The following LINGO1 variants were observed in gnomAD, a reference collection of about 807,000 sequenced individuals.
LINGO1 encodes leucine rich repeat and Ig domain containing 1.
A neutral mutation model predicts 37.3 loss-of-function variants in LINGO1; 11 were observed. The ratio of observed to expected loss-of-function variants is 0.29; its 90% CI spans 0.19 to 0.49. LINGO1 has a LOEUF of 0.49. Among genes scored for constraint, LINGO1 ranks in the 20% least tolerant of loss-of-function variants. The pLI is 0.99. For missense variants in LINGO1, 585 were observed against 878.2 expected (o/e 0.67, Z 4.22); for synonymous variants, 387 against 403.0 (o/e 0.96, Z 0.48).
intron 1 of LINGO1, among the ~76,000 whole-genome samples, chr15:77,617,187 G>A (rs2073756447): frequency 6.6e-6 from 1 of 152,132 alleles, no homozygotes; most frequent in African/African-American, 2.4e-5. Flanking sequence ...GGGGTATGCG[G>A]GAGCCTCCGT....
chr15:77,807,767 TAG>T (rs975569857), intron 1 of LINGO1, among the ~76,000 whole-genome samples: 2 of 152,084 alleles, frequency 1.3e-5, no homozygotes, highest in South Asian at 2.1e-4. Flanking sequence ...TAAAAGCAAT[TAG>T]AGTTTTTGGA....
At chr15:77,737,896 C>T (rs1052227369) in intron 1 of LINGO1, among the ~76,000 whole-genome samples, 4 of 152,160 alleles carry the variant, frequency 2.6e-5, no homozygotes, top group African/African-American at 7.2e-5. Context: ...TCTGCACACT[C>T]CTCAGCTTAA....
intron 1 of LINGO1, among the ~76,000 whole-genome samples, chr15:77,800,149 A>C (rs1343448463): frequency 2.0e-5 from 3 of 152,186 alleles, no homozygotes; most frequent in African/African-American, 7.2e-5. Context: ...TGGCAGGAAA[A>C]GAGTCTCTTC....
At chr15:77,792,002 C>T (rs77158390), upstream of LINGO1, among the ~76,000 whole-genome samples, 3,257 of 152,210 alleles carry the variant, frequency 0.021, 115 homozygotes, top group African/African-American at 0.073. Flanking sequence ...CTTGTCCAGG[C>T]TCAGAGGCTT....
chr15:77,802,121 G>T (rs1277536975), intron 1 of LINGO1, among the ~76,000 whole-genome samples: 1 of 152,164 alleles, frequency 6.6e-6, no homozygotes, highest in South Asian at 2.1e-4. Flanking sequence ...TACAGAGAGT[G>T]GGGGGATGAG....
At chr15:77,770,861 C>T (rs1343436216) in intron 1 of LINGO1, among the ~76,000 whole-genome samples, 4 of 152,200 alleles carry the variant, frequency 2.6e-5, no homozygotes, top group African/African-American at 7.2e-5. Context: ...CACCCAGATG[C>T]CCACCGCCTA....
chr15:77,663,231 C>T (rs1754260774), intron 3 of LINGO1, among the ~76,000 whole-genome samples: 1 of 152,240 alleles, frequency 6.6e-6, no homozygotes, highest in Non-Finnish European at 1.5e-5. Flanking sequence ...TCACCTAGAA[C>T]TGTGTGCGGT....
At chr15:77,644,705 C>G (rs957803734) in intron 3 of LINGO1, among the ~76,000 whole-genome samples, 7 of 152,228 alleles carry the variant, frequency 4.6e-5, no homozygotes, top group African/African-American at 1.4e-4. Flanking sequence ...GGCTGGCTCC[C>G]TCAATCCCTC....
At chr15:77,710,621 A>C (rs1193571507) in intron 2 of LINGO1, among the ~76,000 whole-genome samples, 1 of 152,162 alleles carries the variant, frequency 6.6e-6, no homozygotes, top group African/African-American at 2.4e-5. Flanking sequence ...TCTGCCAGGG[A>C]GCTAAAAGCC....
rs367660464 is a variant in LINGO1, at chr15:77,626,012, C to T, written c.6+6298G>A. ...CACACCCACTTCACTGATGAGGAAACTGAGGCTCTGAGCCATTAGTTCACC... is the reference window on the plus strand; with the variant it reads ...CACACCCACTTCACTGATGAGGAAATTGAGGCTCTGAGCCATTAGTTCACC... On this transcript the variant is annotated intron_variant, in intron 1 of 1. Coordinates refer to ENST00000355300, the MANE Select transcript of LINGO1 (RefSeq NM_032808.7). Among the ~76,000 whole-genome samples, 7 of 152,326 alleles carry T rather than the reference C, an allele frequency of 4.6e-5. No homozygotes were observed. In the East Asian group the frequency reaches 1.2e-3, roughly 25 times the overall value.
chr15:77,743,205 G>A (rs1380019887), intron 1 of LINGO1, among the ~76,000 whole-genome samples: 1 of 152,114 alleles, frequency 6.6e-6, no homozygotes, highest in Non-Finnish European at 1.5e-5. Context: ...GTCGTAGGCA[G>A]CACCTTTCCC....
At chr15:77,794,639 G>C (rs560632893) in intron 2 of LINGO1, among the ~76,000 whole-genome samples, 1 of 146,122 alleles carries the variant, frequency 6.8e-6, no homozygotes, top group Non-Finnish European at 1.5e-5. Flanking sequence ...CCAGGCTGGA[G>C]TGCAGTGGCG....
intron 1 of LINGO1, among the ~76,000 whole-genome samples, chr15:77,625,256 A>G (rs1596001351): frequency 6.6e-6 from 1 of 152,316 alleles, no homozygotes; most frequent in Middle Eastern, 3.4e-3. Flanking sequence ...CAGAGAGCTA[A>G]ATAGAATGAC....
chr15:77,807,500 G>A (rs1201030389), intron 1 of LINGO1, among the ~76,000 whole-genome samples: 1 of 152,166 alleles, frequency 6.6e-6, no homozygotes, highest in African/African-American at 2.4e-5. Context: ...GGGAATGAAT[G>A]GATGGACATA....
intron 2 of LINGO1, among the ~76,000 whole-genome samples, chr15:77,682,683 C>T (rs8043367): frequency 6.6e-6 from 1 of 152,076 alleles, no homozygotes; most frequent in Non-Finnish European, 1.5e-5. Context: ...CTCCCCACCC[C>T]CTTCTGGGCA....
At chr15:77,755,503 AC>A (rs2076410625) in intron 1 of LINGO1, among the ~76,000 whole-genome samples, 1 of 152,120 alleles carries the variant, frequency 6.6e-6, no homozygotes, top group African/African-American at 2.4e-5. Context: ...TACCTCCCTG[AC>A]CCCGCATTTC....
At chr15:77,708,627 G>A (rs187514626) in intron 2 of LINGO1, among the ~76,000 whole-genome samples, 5 of 152,326 alleles carry the variant, frequency 3.3e-5, no homozygotes, top group South Asian at 2.1e-4. Flanking sequence ...CAACTTGGCC[G>A]GGCGCGGTGG....
intron 3 of LINGO1, chr15:77,667,209 GGA>G (rs1555528159): frequency 6.6e-6 from 1 of 150,732 alleles, no homozygotes; most frequent in Non-Finnish European, 1.5e-5. Context: ...TGTGCAGATC[GGA>G]GTGTGGCCGG....
At chr15:77,667,560 G>A (rs769290541) in intron 3 of LINGO1, 2 of 152,292 alleles carry the variant, frequency 1.3e-5, no homozygotes, top group South Asian at 2.1e-4. Flanking sequence ...GCCCCGCTGA[G>A]TCTCTTGCTG....
Sources: allele counts gnomAD v4.1 joint callset (sites outside exome capture counted in the v4.1 genomes callset), GRCh38; gene constraint gnomAD v4.1.1; transcripts MANE v1.5; gene names NCBI Gene and HGNC (gene_info 2026-07-23, HGNC 2026-07-21).